The following DGKE variants were observed in gnomAD, a reference collection of about 807,000 sequenced individuals.
DGKE encodes the protein DAG kinase epsilon.
DGKE carries 53 observed loss-of-function variants against 70.0 expected under a neutral mutation model. That is an observed-to-expected ratio of 0.76 (90% CI 0.61 to 0.95). DGKE has a LOEUF of 0.95. DGKE is among the 40% of genes least tolerant of loss of function. The probability of loss-of-function intolerance (pLI) is 0.00; values close to 1 mark genes in which losing one functional copy is unlikely to be tolerated. For missense variants in DGKE, 655 were observed against 706.9 expected (o/e 0.93, Z 0.83); for synonymous variants, 291 against 257.0 (o/e 1.13, Z -1.27).
chr17:56,834,758 C>T lies in DGKE; in HGVS notation c.-18-20C>T. ...GGGATGGCGAGCTCGGGGTGCACCG[C>T]CTGTTTCTTTTCTGGTTAGGTATCG... On this transcript the variant is annotated intron_variant, in intron 1 of 11. Coordinates refer to ENST00000284061, the MANE Select transcript of DGKE (RefSeq NM_003647.3). 1.9e-6 allele frequency: 3 copies of T among 1,546,894 alleles called. No individual in the cohort carries two copies. Among genetic ancestry groups the T allele is most frequent in the South Asian group, 1.2e-5 (1 of 83,050 alleles).
Position 56,856,582 on chromosome 17 carries a change from G to A in DGKE, c.1169G>A (p.Arg390His), listed in dbSNP as rs1060499709. 6.2e-6 allele frequency: 10 copies of A among 1,613,668 alleles called. No individual in the cohort carries two copies. The highest frequency in any genetic ancestry group is 2.2e-5 in the East Asian group (1 of 44,848). Residue 390 changes from arginine (R) to histidine (H), a missense_variant, in exon 8 of 12, where the codon CGT becomes CAT. Physicochemically the swap from Arg to His is conservative, Grantham distance 29 (BLOSUM62 0). Coordinates refer to ENST00000284061, the MANE Select transcript of DGKE (RefSeq NM_003647.3). ...ATGGCTCTCAATTTTCATGCTCATCGTGAGAAGGCACCATCTCTGTTTTCT... is the reference window on the plus strand; with the variant it reads ...ATGGCTCTCAATTTTCATGCTCATCATGAGAAGGCACCATCTCTGTTTTCT... ...ALMALNFHAH[R>H]EKAPSLFSSR...
At chr17:56,846,563 A>T (rs1907298962) in intron 4 of DGKE, among the ~76,000 whole-genome samples, 1 of 152,226 alleles carries the variant, frequency 6.6e-6, no homozygotes, top group Non-Finnish European at 1.5e-5. Context: ...TATGTAAATT[A>T]TACCTCAGTT....
At position 56,861,638 on chromosome 17, in the gene DGKE, C is replaced by A. The variant is rs73994921; in HGVS notation, c.1285-153C>A. Among the ~76,000 whole-genome samples, 1,815 of 152,258 alleles carry A rather than the reference C, an allele frequency of 0.012. 29 individuals are homozygous for A. Among genetic ancestry groups the A allele is most frequent in the African/African-American group, 0.041 (1,716 of 41,548 alleles). The stretch of plus-strand genomic sequence containing the variant: ...GTTCTACTGAAGAGATAGAAAAGGG[C>A]AGATGAGAGGCCCTGAGTGAGAGGT... On this transcript the variant is annotated intron_variant, in intron 9 of 11. Transcript: ENST00000284061.
chr17:56,859,403 C>T (rs1437290563), intron 9 of DGKE, among the ~76,000 whole-genome samples: 3 of 151,852 alleles, frequency 2.0e-5, no homozygotes, highest in South Asian at 2.1e-4. Context: ...GCAACAGCAT[C>T]TCTGACATCA....
At chr17:56,849,297 G>T in intron 7 of DGKE, 65 bp downstream of exon 7, 2 of 1,436,394 alleles carry the variant, frequency 1.4e-6, no homozygotes, top group Middle Eastern at 3.6e-4. Flanking sequence ...GGCACTCTGT[G>T]GTGGGATACA....
intron 7 of DGKE, 52 bp from the exon 8 acceptor site, chr17:56,856,460 T>A (rs2144273937): frequency 6.5e-7 from 1 of 1,544,378 alleles, no homozygotes; most frequent in Non-Finnish European, 8.8e-7. Flanking sequence ...TAATTATGAC[T>A]CAAGCTTAGG....
At chr17:56,843,127 A>T (rs1228778130) in intron 2 of DGKE, among the ~76,000 whole-genome samples, 1 of 152,254 alleles carries the variant, frequency 6.6e-6, no homozygotes, top group East Asian at 1.9e-4. Context: ...CCTACATTTC[A>T]GCCAAAGCAC....
rs371967411 is a variant in DGKE, at chr17:56,835,032, G to A, written c.237G>A (p.Gln79=). The A allele has an allele frequency of 1.1e-5, 17 of 1,612,758 alleles. No homozygotes were observed. The highest frequency in any genetic ancestry group is 1.3e-5 in the African/African-American group (1 of 74,954). ...CCACCTACTGCTGCGTGTGCGCGCA[G>A]CACATTCTGCAGGGCGCCTTCTGCG... ...SQPTYCCVCA[Q]HILQGAFCDC... The change falls in exon 2 of 12, where the codon CAG becomes CAA. Residue 79 remains glutamine, a synonymous_variant. Transcript: ENST00000284061.
In DGKE at chr17:56,845,769, G is replaced by T; in HGVS notation, c.704G>T (p.Gly235Val). Reference protein sequence around the residue: ...NSRSGTNMGEGLLGEFRILLN... With the variant: ...NSRSGTNMGEVLLGEFRILLN... ...CGTAGTGGAACTAATATGGGAGAAG[G>T]ACTGTTGGGAGAATTTAGGATCTTG... The change falls in exon 4 of 12, where the codon GGA becomes GTA. Residue 235 changes from glycine to valine, a missense_variant. Coordinates refer to ENST00000284061, the MANE Select transcript of DGKE (RefSeq NM_003647.3). 6.2e-7 allele frequency: 1 copy of T among 1,611,492 alleles called. No individual in the cohort carries two copies. The highest frequency in any genetic ancestry group is 2.2e-5 in the East Asian group (1 of 44,692).
chr17:56,837,881 A>G (rs982250987), intron 2 of DGKE, among the ~76,000 whole-genome samples: 46 of 152,332 alleles, frequency 3.0e-4, no homozygotes, highest in African/African-American at 9.1e-4. Context: ...TTCGATCATT[A>G]TACTTATTGA....
chr17:56,856,525 AC>A lies in DGKE; in HGVS notation c.1113del (p.Asn371LysfsTer46). The A allele has an allele frequency of 1.9e-6, 3 of 1,613,264 alleles. No homozygotes were observed. Among genetic ancestry groups the A allele is most frequent in the Non-Finnish European group, 2.5e-6 (3 of 1,179,732 alleles). ...NLRKPKEFTM[N>X]NYFSVGPDAL... Reference sequence around the variant, plus strand: ...CCTTTCTCACAGGAATTCACAATGAACAACTATTTTTCTGTTGGACCTGATG... The same window carrying A: ...CCTTTCTCACAGGAATTCACAATGAAAACTATTTTTCTGTTGGACCTGATG... On this transcript the variant is annotated frameshift_variant, in exon 8 of 12. Transcript: ENST00000284061. LOFTEE classifies it high-confidence loss of function.
chr17:56,855,284 A>G (rs1167387634), intron 7 of DGKE, among the ~76,000 whole-genome samples: 1 of 152,212 alleles, frequency 6.6e-6, no homozygotes, highest in Non-Finnish European at 1.5e-5. Context: ...CGGGAAAAGC[A>G]TGAAAAGAAC....
At chr17:56,861,641 A>G (rs1476601040) in intron 9 of DGKE, 150 bp from the exon 10 acceptor site, 1 of 923,818 alleles carries the variant, frequency 1.1e-6, no homozygotes. Context: ...AAAAGGGCAG[A>G]TGAGAGGCCC....
intron 2 of DGKE, among the ~76,000 whole-genome samples, chr17:56,839,948 A>T (rs1567810408): frequency 6.6e-6 from 1 of 152,152 alleles, no homozygotes; most frequent in Non-Finnish European, 1.5e-5. Context: ...TGGGAGGCCA[A>T]GGCGGGCAGA....
intron 2 of DGKE, among the ~76,000 whole-genome samples, chr17:56,843,274 A>G (rs1209559021): frequency 6.6e-6 from 1 of 152,236 alleles, no homozygotes; most frequent in African/African-American, 2.4e-5. Context: ...GGTTTTTATG[A>G]AAATTTAGTG....
At position 56,863,755 on chromosome 17, in the gene DGKE, T is replaced by C. The variant is rs1231193872; in HGVS notation, c.*964T>C. 6.6e-6 allele frequency: 1 copy of C among 152,204 alleles called. No individual in the cohort carries two copies. The highest frequency in any genetic ancestry group is 1.5e-5 in the Non-Finnish European group (1 of 68,030). The allele number at this position is 152,204 out of a possible 1,614,324, so 9.4% of individuals were successfully genotyped here. ...CCTTAGGGAGGTAAGTGGACAGAAATCTTTGCTAAAATGTTTATATCATAT... is the reference window on the plus strand; with the variant it reads ...CCTTAGGGAGGTAAGTGGACAGAAACCTTTGCTAAAATGTTTATATCATAT... On this transcript the variant is annotated 3_prime_UTR_variant, in exon 12 of 12. Transcript: ENST00000284061.
intron 2 of DGKE, among the ~76,000 whole-genome samples, chr17:56,841,553 C>A (rs556036800): frequency 2.0e-5 from 3 of 152,044 alleles, no homozygotes; most frequent in East Asian, 1.9e-4. Context: ...CAATAGGATA[C>A]CTTTTTCTAT....
In DGKE at chr17:56,868,676, G is replaced by A. The variant is rs891844814; in HGVS notation, c.*5885G>A. ...ATAAAATTAAAAGTGCAGCACGTAA[G>A]TATGATACTGTGTAGTTTTTTGACA... is the stretch of plus-strand genomic sequence containing the variant. On this transcript the variant is annotated 3_prime_UTR_variant, in exon 12 of 12. Transcript: ENST00000284061. The A allele has an allele frequency of 6.6e-6, 1 of 152,244 alleles. No individual in the cohort carries two copies. Among genetic ancestry groups the A allele is most frequent in the Non-Finnish European group, 1.5e-5 (1 of 68,052 alleles). 9.4% of individuals were successfully genotyped at this position (152,244 alleles called of 1,614,324 possible). A position where few individuals can be genotyped will look rare whatever the true frequency, so the allele number is the denominator to read the frequency against.
Position 56,856,581 on chromosome 17 carries a change from C to T in DGKE, c.1168C>T (p.Arg390Cys). Residue 390 changes from arginine to cysteine, a missense_variant, in exon 8 of 12, where the codon CGT becomes TGT. Transcript: ENST00000284061. ...ALMALNFHAH[R>C]EKAPSLFSSR... ...CATGGCTCTCAATTTTCATGCTCAT[C>T]GTGAGAAGGCACCATCTCTGTTTTC... 2 of 1,613,742 alleles carry T rather than the reference C, an allele frequency of 1.2e-6. No homozygotes were observed. Among genetic ancestry groups the T allele is most frequent in the Non-Finnish European group, 8.5e-7 (1 of 1,179,840 alleles).
Sources: gnomAD v4.1 joint callset for allele counts (sites outside exome capture counted in the v4.1 genomes callset) on GRCh38, gnomAD v4.1.1 for gene constraint, MANE v1.5 for transcripts, NCBI Gene and HGNC (gene_info 2026-07-23, HGNC 2026-07-21) for gene names.